LIMD1: variants seen among roughly 807,000 people sequenced by gnomAD.
LIMD1 encodes LIM domain containing 1.
In LIMD1, 23 loss-of-function variants were observed where a neutral mutation model predicts 58.4. The observed-to-expected ratio is 0.39, with a 90% CI of 0.28 to 0.56. The LOEUF is 0.56. Ranked by LOEUF, LIMD1 falls within the 20% of genes least tolerant of loss-of-function variation. LIMD1 has a pLI of 0.57. For missense variants in LIMD1, 838 were observed against 855.5 expected, an observed-to-expected ratio of 0.98 and a Z score of 0.25; for synonymous variants, 334 against 345.5, an observed-to-expected ratio of 0.97 and a Z score of 0.37.
intron 2 of LIMD1, among the ~76,000 whole-genome samples, chr3:45,656,872 A>G (rs1388542739): frequency 6.6e-6 from 1 of 152,216 alleles, no homozygotes; most frequent in East Asian, 1.9e-4. Context: ...GATTAATGAA[A>G]TGACTCAAGC....
In LIMD1 at chr3:45,685,972, A is replaced by C. The variant is rs543616190; in HGVS notation, c.*8913A>C. ...GCTCTTTCACTGGCACCCCTTCCTC[A>C]AGGACTTAACTTGTGCAAGCTGACT... On this transcript the variant is annotated 3_prime_UTR_variant, in exon 8 of 8. Coordinates refer to ENST00000273317, the MANE Select transcript of LIMD1 (RefSeq NM_014240.3). 2.0e-5 allele frequency: 3 copies of C among 152,262 alleles called. No homozygotes were observed. The highest frequency in any genetic ancestry group is 2.0e-4 in the Admixed American group (3 of 15,292). 9.4% of individuals were successfully genotyped at this position (152,262 alleles called of 1,614,324 possible). A position where few individuals can be genotyped will look rare whatever the true frequency, so the allele number is the denominator to read the frequency against.
chr3:45,659,041 A>AT (rs2125666584), intron 2 of LIMD1, among the ~76,000 whole-genome samples: 1 of 152,178 alleles, frequency 6.6e-6, no homozygotes, highest in Non-Finnish European at 1.5e-5. Flanking sequence ...TTTTCATATT[A>AT]TACATATTTC....
At chr3:45,673,347 G>T (rs756616370) in intron 5 of LIMD1, 107 bp from the exon 6 acceptor site, 5 of 832,170 alleles carry the variant, frequency 6.0e-6, no homozygotes, top group Admixed American at 1.8e-5. Flanking sequence ...AGAGCAAGGG[G>T]CAGGAGGCGG....
chr3:45,659,230 A>G lies in LIMD1; in HGVS notation c.1511-6420A>G, dbSNP rs148446167. On this transcript the variant is annotated intron_variant, in intron 2 of 7. Transcript: ENST00000273317. Reference sequence around the variant, plus strand: ...CACTGTTTGTTTTTTTCCCTTTTGCATATCAGTGGTATCTGCAAATTACTG... The same window carrying G: ...CACTGTTTGTTTTTTTCCCTTTTGCGTATCAGTGGTATCTGCAAATTACTG... Among the ~76,000 whole-genome samples the G allele has an allele frequency of 6.8e-4, 104 of 152,236 alleles. No homozygotes were observed. The East Asian group carries it at 0.017, about 25-fold the overall frequency.
chr3:45,596,200 AG>A lies in LIMD1; in HGVS notation c.1322del (p.Arg441AsnfsTer7). ...CQPLVPGPEL[R>X]PSAAELKLEA... ...GCCCCTCGTCCCAGGTCCTGAGCTG[AG>A]ACCCTCTGCTGCTGAGTTGAAATTA... On this transcript the variant is annotated frameshift_variant, in exon 1 of 8. Coordinates refer to ENST00000273317, the MANE Select transcript of LIMD1 (RefSeq NM_014240.3). LOFTEE classifies it high-confidence loss of function. 1 of 1,613,814 alleles carries A rather than the reference AG, an allele frequency of 6.2e-7. No homozygotes were observed. The highest frequency in any genetic ancestry group is 8.5e-7 in the Non-Finnish European group (1 of 1,179,922).
chr3:45,601,811 G>A (rs940435418), intron 1 of LIMD1, among the ~76,000 whole-genome samples: 1 of 152,190 alleles, frequency 6.6e-6, no homozygotes, highest in African/African-American at 2.4e-5. Context: ...GGTGGGACTA[G>A]GTGGTCTCTC....
intron 1 of LIMD1, among the ~76,000 whole-genome samples, chr3:45,625,901 G>T (rs761908707): frequency 6.6e-6 from 1 of 152,166 alleles, no homozygotes; most frequent in African/African-American, 2.4e-5. Context: ...AAGATATGGC[G>T]ATACTAAAAT....
chr3:45,639,636 C>T (rs1390890384), intron 2 of LIMD1, among the ~76,000 whole-genome samples: 3 of 152,110 alleles, frequency 2.0e-5, no homozygotes, highest in African/African-American at 4.8e-5. Context: ...GGCCCTACCC[C>T]CTAATCCCGT....
chr3:45,629,084 G>A (rs1701700389), intron 1 of LIMD1, among the ~76,000 whole-genome samples: 1 of 152,132 alleles, frequency 6.6e-6, no homozygotes, highest in African/African-American at 2.4e-5. Flanking sequence ...TTTGATCATT[G>A]TCTTGATTGT....
chr3:45,623,475 C>T (rs1701644785), intron 1 of LIMD1, among the ~76,000 whole-genome samples: 1 of 152,114 alleles, frequency 6.6e-6, no homozygotes, highest in Non-Finnish European at 1.5e-5. Context: ...TACCTACGGG[C>T]AGTCTGGCAG....
At position 45,604,316 on chromosome 3, in the gene LIMD1, G is replaced by A. The variant is rs150685427; in HGVS notation, c.1408+8029G>A. Among the ~76,000 whole-genome samples, 258 of 152,356 alleles carry A rather than the reference G, an allele frequency of 1.7e-3. No homozygotes were observed. The Middle Eastern group carries it at 0.017, about 10-fold the overall frequency. On this transcript the variant is annotated intron_variant, in intron 1 of 7. Coordinates refer to ENST00000273317, the MANE Select transcript of LIMD1 (RefSeq NM_014240.3). ...GGTCCTCTGTGTTCTCTGAAGGGAT[G>A]TGACTACATCATGTGCCTCAGCCCC...
chr3:45,595,767 T>C lies in LIMD1; in HGVS notation c.888T>C (p.Ser296=), dbSNP rs1278374632. Residue 296 remains serine (S), a synonymous_variant, in exon 1 of 8, where the codon TCT becomes TCC. Transcript: ENST00000273317. ...AVGPVQPRTP[S]VSAPLALSCP... The stretch of plus-strand genomic sequence containing the variant: ...GGCCTGTTCAGCCCAGGACCCCTTC[T>C]GTGTCAGCACCCTTGGCCCTGAGCT... 1.2e-6 allele frequency: 2 copies of C among 1,614,092 alleles called. No homozygotes were observed. The highest frequency in any genetic ancestry group is 1.7e-5 in the Admixed American group (1 of 60,032).
In LIMD1 at chr3:45,602,903, G is replaced by A. The variant is rs529478791; in HGVS notation, c.1408+6616G>A. 4.0e-5 allele frequency among the ~76,000 whole-genome samples: 6 copies of A among 151,372 alleles called. 1 individual carries two copies. The highest frequency in any genetic ancestry group is 4.2e-4 in the South Asian group (2 of 4,780). ...CACCCAGGCTGGAGTGCAGTGGTGC[G>A]ATCTTGGCTCACTGCGGCCACCGCC... On this transcript the variant is annotated intron_variant, in intron 1 of 7. Transcript: ENST00000273317.
At chr3:45,629,142 G>T (rs924405055) in intron 1 of LIMD1, among the ~76,000 whole-genome samples, 1 of 152,094 alleles carries the variant, frequency 6.6e-6, no homozygotes, top group Non-Finnish European at 1.5e-5. Flanking sequence ...GGCTGGGCAC[G>T]GTGGTTCACG....
Position 45,632,411 on chromosome 3 carries a change from C to T in LIMD1, c.1409-3739C>T, listed in dbSNP as rs1575352640. The T allele has an allele frequency of 2.0e-5, 9 of 451,372 alleles. No homozygotes were observed. In the South Asian group the frequency reaches 4.7e-4, roughly 23 times the overall value. The allele number at this position is 451,372 out of a possible 1,614,324, so 28.0% of individuals were successfully genotyped here. A position where few individuals can be genotyped will look rare whatever the true frequency, so the allele number is the denominator to read the frequency against. On this transcript the variant is annotated intron_variant, in intron 1 of 7. Transcript: ENST00000273317. ...ATAGATGTCCATAGAACCCATTTCT[C>T]TGTGTTTAGGTCTGCTGAGGGGATA...
At chr3:45,606,742 G>C (rs1410084921) in intron 1 of LIMD1, among the ~76,000 whole-genome samples, 1 of 152,194 alleles carries the variant, frequency 6.6e-6, no homozygotes, top group Admixed American at 6.5e-5. Context: ...TTGTCTGGGG[G>C]TCAGGAGCAA....
chr3:45,652,686 T>C (rs1701987379), intron 2 of LIMD1, among the ~76,000 whole-genome samples: 1 of 152,226 alleles, frequency 6.6e-6, no homozygotes, highest in Non-Finnish European at 1.5e-5. Flanking sequence ...GAATAGGCAC[T>C]GTTTCCAGCT....
intron 1 of LIMD1, among the ~76,000 whole-genome samples, chr3:45,627,858 A>G (rs1701681146): frequency 6.6e-6 from 1 of 151,950 alleles, no homozygotes; most frequent in Admixed American, 6.6e-5. Context: ...AAATACAAAA[A>G]TTAGCGAGGC....
intron 2 of LIMD1, among the ~76,000 whole-genome samples, chr3:45,646,514 C>T (rs1701909665): frequency 6.6e-6 from 1 of 152,218 alleles, no homozygotes; most frequent in African/African-American, 2.4e-5. Context: ...CCATCTAACA[C>T]AGCAGCTACT....
Sources: allele counts gnomAD v4.1 joint callset (sites outside exome capture counted in the v4.1 genomes callset), GRCh38; gene constraint gnomAD v4.1.1; transcripts MANE v1.5; gene names NCBI Gene and HGNC (gene_info 2026-07-23, HGNC 2026-07-21).